The following AMMECR1 variants were observed in gnomAD, a reference collection of about 807,000 sequenced individuals.
AMMECR1 encodes AMMECR nuclear protein 1, also known as nuclear protein AMMECR1.
In AMMECR1, 3 loss-of-function variants were observed where a neutral mutation model predicts 22.5. The observed-to-expected ratio is 0.13, with a 90% confidence interval of 0.06 to 0.35. The LOEUF is 0.35. Among genes scored for constraint, AMMECR1 ranks in the 10% least tolerant of loss-of-function variants. The pLI, the probability that AMMECR1 is intolerant of heterozygous loss-of-function variation, is 1.00. For missense variants in AMMECR1, 235 were observed against 278.7 expected, an observed-to-expected ratio of 0.84 and a Z score of 1.12; for synonymous variants, 130 against 116.7, an observed-to-expected ratio of 1.11 and a Z score of -0.74.
At chrX:110,335,552 C>T (rs1427801096) in intron 2 of AMMECR1, among the ~76,000 whole-genome samples, 1 of 111,540 alleles carries the variant, frequency 9.0e-6, no homozygotes, top group Non-Finnish European at 1.9e-5. Context: ...TCTATAGCAG[C>T]CCACCACGGA....
chrX:110,214,325 T>G (rs1426888700), intron 3 of AMMECR1, among the ~76,000 whole-genome samples: 1 of 111,600 alleles, frequency 9.0e-6, no homozygotes, highest in Admixed American at 9.5e-5. Flanking sequence ...GAAATTAATA[T>G]TTAAGCCCCC....
chrX:110,339,656 C>G (rs1285902964), intron 2 of AMMECR1, among the ~76,000 whole-genome samples: 1 of 109,542 alleles, frequency 9.1e-6, no homozygotes, highest in African/African-American at 3.3e-5. Context: ...GCCACCACGC[C>G]CGGCTAATTT....
intron 2 of AMMECR1, among the ~76,000 whole-genome samples, chrX:110,386,809 T>C (rs1173061060): frequency 8.9e-6 from 1 of 112,516 alleles, no homozygotes. Context: ...AAGCTTCTCC[T>C]CTGTGCCAGG....
At chrX:110,398,071 C>T (rs1046345530) in intron 2 of AMMECR1, among the ~76,000 whole-genome samples, 2 of 112,055 alleles carry the variant, frequency 1.8e-5, no homozygotes, top group African/African-American at 3.2e-5. Flanking sequence ...CCTCCTCCCA[C>T]GCATAGGCTG....
chrX:110,275,024 A>G (rs1489086418), intron 1 of AMMECR1, among the ~76,000 whole-genome samples: 1 of 111,836 alleles, frequency 8.9e-6, no homozygotes, highest in East Asian at 2.8e-4. Flanking sequence ...CTACTGTTAT[A>G]CCTTTAACTT....
chrX:110,339,969 A>AACACACACAC (rs1196397497), intron 2 of AMMECR1, among the ~76,000 whole-genome samples: 2 of 90,028 alleles, frequency 2.2e-5, no homozygotes, highest in African/African-American at 8.8e-5. Flanking sequence ...TTGAAGGCAA[A>AACACACACAC]ACATACACAC....
chrX:110,343,832 T>G (rs746208714), intron 2 of AMMECR1, among the ~76,000 whole-genome samples: 1,803 of 110,370 alleles, frequency 0.016, 15 homozygotes, highest in Middle Eastern at 0.06. Context: ...CACTGCTCAA[T>G]GAAATAAAAG....
intron 3 of AMMECR1, among the ~76,000 whole-genome samples, chrX:110,207,557 T>G (rs762912955): frequency 1.8e-5 from 2 of 111,064 alleles, no homozygotes; most frequent in Admixed American, 9.6e-5. Context: ...AAAAAAAATT[T>G]AGATGACATA....
chrX:110,428,042 A>G (rs1222375022), intron 1 of AMMECR1, among the ~76,000 whole-genome samples: 1 of 112,220 alleles, frequency 8.9e-6, no homozygotes, highest in African/African-American at 3.2e-5. Flanking sequence ...CACTGGATAC[A>G]TTCTCTTGTT....
At chrX:110,348,360 T>A (rs965784134) in intron 2 of AMMECR1, among the ~76,000 whole-genome samples, 25 of 112,399 alleles carry the variant, frequency 2.2e-4, no homozygotes, top group Admixed American at 1.4e-3. Flanking sequence ...TTCTGACCTA[T>A]CTAAAGAAGT....
intron 2 of AMMECR1, among the ~76,000 whole-genome samples, chrX:110,221,778 G>A (rs2067501470): frequency 9.0e-6 from 1 of 111,432 alleles, no homozygotes; most frequent in African/African-American, 3.3e-5. Flanking sequence ...CCATCAAAAA[G>A]TGGGCAAAGG....
chrX:110,276,007 A>G (rs2067824510), intron 1 of AMMECR1, among the ~76,000 whole-genome samples: 1 of 109,048 alleles, frequency 9.2e-6, no homozygotes, highest in South Asian at 3.9e-4. Flanking sequence ...TCCTTTCCTT[A>G]TGGGACTCCA....
upstream of AMMECR1, among the ~76,000 whole-genome samples, chrX:110,318,537 C>T (rs760487326): frequency 2.7e-5 from 3 of 110,314 alleles, no homozygotes; most frequent in South Asian, 4.0e-4. Flanking sequence ...GCATCCAGGT[C>T]CCAAAGCACA....
intron 2 of AMMECR1, among the ~76,000 whole-genome samples, chrX:110,403,794 C>G (rs2148299190): frequency 8.9e-6 from 1 of 112,363 alleles, no homozygotes; most frequent in South Asian, 3.7e-4. Context: ...TGTTTTTGCT[C>G]CAGAAATATC....
chrX:110,241,804 A>G (rs1192345286), intron 2 of AMMECR1, among the ~76,000 whole-genome samples: 5 of 112,046 alleles, frequency 4.5e-5, no homozygotes, highest in Admixed American at 9.4e-5. Context: ...AAAAACAAAC[A>G]TAATAAAAAG....
chrX:110,286,151 G>A (rs1005690002), intron 1 of AMMECR1, among the ~76,000 whole-genome samples: 4 of 111,754 alleles, frequency 3.6e-5, no homozygotes, highest in Admixed American at 9.5e-5. Flanking sequence ...CTGGCATAAC[G>A]TCTAACGAAC....
chrX:110,218,186 C>T (rs1268602829), intron 2 of AMMECR1, among the ~76,000 whole-genome samples: 2 of 110,861 alleles, frequency 1.8e-5, no homozygotes, highest in Non-Finnish European at 1.9e-5. Flanking sequence ...TGTAACCACC[C>T]GCATCCCCCA....
chrX:110,219,463 T>C (rs2067490166), intron 2 of AMMECR1: 1 of 751,922 alleles, frequency 1.3e-6, no homozygotes, highest in Non-Finnish European at 1.6e-6. Flanking sequence ...GTTCATTTCC[T>C]AGCAGACCAA....
chrX:110,438,993 T>G (rs1223108503), intron 1 of AMMECR1, among the ~76,000 whole-genome samples: 2 of 112,156 alleles, frequency 1.8e-5, no homozygotes, highest in African/African-American at 6.5e-5. Context: ...GATGGCTTCC[T>G]AGCCAAGATA....
Sources: gnomAD v4.1 joint callset for allele counts (sites outside exome capture counted in the v4.1 genomes callset) on GRCh38, gnomAD v4.1.1 for gene constraint, MANE v1.5 for transcripts, NCBI Gene and HGNC (gene_info 2026-07-23, HGNC 2026-07-21) for gene names.